GAREM1: variants seen among roughly 807,000 people sequenced by gnomAD.
GAREM1 encodes GRB2-associated and regulator of MAPK protein 1.
In GAREM1, 26 loss-of-function variants were observed where a neutral mutation model predicts 71.3. The ratio of observed to expected loss-of-function variants is 0.36; its 90% confidence interval spans 0.27 to 0.51. The LOEUF is 0.51. GAREM1 is among the 20% of genes least tolerant of loss of function. GAREM1 has a pLI of 0.95. For missense variants in GAREM1, 1,026 were observed against 1,103.1 expected, an observed-to-expected ratio of 0.93 and a Z score of 0.99; for synonymous variants, 440 against 433.2, an observed-to-expected ratio of 1.02 and a Z score of -0.20.
chr18:32,293,028 T>C (rs895601691), intron 3 of GAREM1, among the ~76,000 whole-genome samples: 6 of 152,020 alleles, frequency 3.9e-5, no homozygotes, highest in African/African-American at 1.5e-4. Flanking sequence ...AAATACGGAA[T>C]GAAGAAGACC....
intron 1 of GAREM1, among the ~76,000 whole-genome samples, chr18:32,416,634 C>CT (rs2144691058): frequency 6.6e-6 from 1 of 152,172 alleles, no homozygotes; most frequent in South Asian, 2.1e-4. Flanking sequence ...AACACAGTCT[C>CT]TTCAATAAAC....
intron 2 of GAREM1, among the ~76,000 whole-genome samples, chr18:32,337,244 T>C (rs1255514929): frequency 6.6e-6 from 1 of 152,204 alleles, no homozygotes; most frequent in South Asian, 2.1e-4. Context: ...GGTGCCAGAA[T>C]TGGGACTAAC....
chr18:32,441,262 TA>T (rs903566369), intron 1 of GAREM1, among the ~76,000 whole-genome samples: 1 of 152,048 alleles, frequency 6.6e-6, no homozygotes, highest in Non-Finnish European at 1.5e-5. Context: ...CAATTTTTTT[TA>T]AAATTCATTT....
intron 1 of GAREM1, among the ~76,000 whole-genome samples, chr18:32,448,262 T>G (rs564952900): frequency 6.6e-6 from 1 of 152,256 alleles, no homozygotes; most frequent in African/African-American, 2.4e-5. Context: ...TTTCACAGGA[T>G]CTCCAAAAAG....
At chr18:32,357,880 A>G (rs976336374) in intron 2 of GAREM1, among the ~76,000 whole-genome samples, 1 of 152,220 alleles carries the variant, frequency 6.6e-6, no homozygotes, top group Non-Finnish European at 1.5e-5. Context: ...CAGAACACAC[A>G]TACCCGAATT....
chr18:32,389,132 G>A (rs895777910), intron 2 of GAREM1, among the ~76,000 whole-genome samples: 8 of 152,102 alleles, frequency 5.3e-5, no homozygotes, highest in Non-Finnish European at 1.0e-4. Context: ...TAAAACCGGG[G>A]AAATGGCACA....
At chr18:32,406,320 C>T (rs762655417) in intron 1 of GAREM1, among the ~76,000 whole-genome samples, 14 of 152,124 alleles carry the variant, frequency 9.2e-5, no homozygotes, top group Non-Finnish European at 1.9e-4. Flanking sequence ...TGAGCCACCG[C>T]GCCCAGCCTA....
intron 2 of GAREM1, among the ~76,000 whole-genome samples, chr18:32,350,623 G>A (rs2047739999): frequency 6.6e-6 from 1 of 152,274 alleles, no homozygotes; most frequent in African/African-American, 2.4e-5. Context: ...TTTGAAAACA[G>A]CATTTCAATG....
intron 2 of GAREM1, among the ~76,000 whole-genome samples, chr18:32,335,126 C>T (rs2047576956): frequency 6.6e-6 from 1 of 152,190 alleles, no homozygotes; most frequent in Non-Finnish European, 1.5e-5. Context: ...AATAAAAGAA[C>T]TCACTCAAGG....
intron 2 of GAREM1, among the ~76,000 whole-genome samples, chr18:32,364,595 T>C (rs2047910831): frequency 6.6e-6 from 1 of 152,216 alleles, no homozygotes; most frequent in South Asian, 2.1e-4. Flanking sequence ...CCTGCACATG[T>C]ATCCCAGAAC....
At chr18:32,366,723 C>T (rs1339731417) in intron 2 of GAREM1, among the ~76,000 whole-genome samples, 1 of 152,160 alleles carries the variant, frequency 6.6e-6, no homozygotes, top group African/African-American at 2.4e-5. Flanking sequence ...GGCAGTTATG[C>T]AATAAAGAGT....
chr18:32,324,371 CCA>C, intron 2 of GAREM1, among the ~76,000 whole-genome samples: 1 of 152,308 alleles, frequency 6.6e-6, no homozygotes, highest in East Asian at 1.9e-4. Flanking sequence ...GCTCCCTTTT[CCA>C]CAGCCTAACA....
intron 3 of GAREM1, among the ~76,000 whole-genome samples, chr18:32,304,562 C>G (rs1422569695): frequency 6.6e-6 from 1 of 152,178 alleles, no homozygotes; most frequent in Non-Finnish European, 1.5e-5. Context: ...AATACATAAA[C>G]ACATAGACAT....
At chr18:32,366,788 G>C (rs1296808570) in intron 2 of GAREM1, among the ~76,000 whole-genome samples, 2 of 152,158 alleles carry the variant, frequency 1.3e-5, no homozygotes. Context: ...ACCAAAACTG[G>C]GTTGGCAGCT....
At chr18:32,400,003 C>A (rs1358148798) in intron 1 of GAREM1, among the ~76,000 whole-genome samples, 3 of 152,138 alleles carry the variant, frequency 2.0e-5, no homozygotes, top group Non-Finnish European at 4.4e-5. Context: ...GAACAGAGCC[C>A]TCAGAAATAA....
intron 2 of GAREM1, among the ~76,000 whole-genome samples, chr18:32,334,952 T>A (rs910117697): frequency 6.6e-5 from 10 of 152,198 alleles, no homozygotes; most frequent in African/African-American, 2.2e-4. Flanking sequence ...TGCTGGCGAA[T>A]GCCCACTCAG....
At position 32,384,245 on chromosome 18, in the gene GAREM1, A is replaced by G. The variant is rs561605451; in HGVS notation, c.262+8650T>C. Among the ~76,000 whole-genome samples, 4 of 152,156 alleles carry G rather than the reference A, an allele frequency of 2.6e-5. No individual in the cohort carries two copies. The East Asian group carries it at 7.7e-4, about 29-fold the overall frequency. ...TCTACCACATGGTGAAAACAACATC[A>G]TTTCTTCCTGAATTCACCCTTCACT... On this transcript the variant is annotated intron_variant, in intron 2 of 5. Transcript: ENST00000269209.
chr18:32,273,792 A>C (rs1421840344), intron 4 of GAREM1, among the ~76,000 whole-genome samples: 2 of 152,202 alleles, frequency 1.3e-5, no homozygotes, highest in East Asian at 1.9e-4. Context: ...GGAAGTTGTC[A>C]GTGATGAAAC....
intron 2 of GAREM1, among the ~76,000 whole-genome samples, chr18:32,334,301 C>T (rs16963133): frequency 0.038 from 5,793 of 152,132 alleles, 334 homozygotes; most frequent in African/African-American, 0.13. Flanking sequence ...TTAGATTCTA[C>T]CGGCAACAGC....
Sources: gnomAD v4.1 joint callset for allele counts (sites outside exome capture counted in the v4.1 genomes callset) on GRCh38, gnomAD v4.1.1 for gene constraint, MANE v1.5 for transcripts, NCBI Gene and HGNC (gene_info 2026-07-23, HGNC 2026-07-21) for gene names.